The following GPATCH2L variants were observed in gnomAD, a reference collection of about 807,000 sequenced individuals.
The protein encoded by GPATCH2L is G patch domain-containing protein 2-like.
In GPATCH2L, 31 loss-of-function variants were observed where a neutral mutation model predicts 57.4. The observed-to-expected ratio is 0.54, with a 90% CI of 0.41 to 0.73. The LOEUF is 0.73. Among genes scored for constraint, GPATCH2L ranks in the 30% least tolerant of loss-of-function variants. The pLI is 0.00. For synonymous variants in GPATCH2L, 199 were observed against 210.7 expected (o/e 0.94, Z 0.48); for missense variants, 481 against 599.9 (o/e 0.80, Z 2.07).
intron 5 of GPATCH2L, 23 bp from the exon 6 acceptor site, chr14:76,176,600 T>C: frequency 6.5e-7 from 1 of 1,547,966 alleles, no homozygotes; most frequent in Non-Finnish European, 8.9e-7. Context: ...TGGATGATAC[T>C]CTTGTCTGCC....
downstream of GPATCH2L, among the ~76,000 whole-genome samples, chr14:76,216,875 A>T (rs1026505891): frequency 5.9e-5 from 9 of 152,182 alleles, no homozygotes; most frequent in Admixed American, 4.6e-4. Context: ...GCCCAATTGC[A>T]TATGAAAGTT....
chr14:76,163,939 T>C (rs891858853), intron 2 of GPATCH2L, among the ~76,000 whole-genome samples: 2 of 152,306 alleles, frequency 1.3e-5, no homozygotes, highest in East Asian at 1.9e-4. Flanking sequence ...CCTGGCCAGA[T>C]CATTCTCTTC....
chr14:76,211,223 G>A lies in GPATCH2L; in HGVS notation c.*9372G>A. 6.6e-6 allele frequency: 1 copy of A among 152,282 alleles called. No individual in the cohort carries two copies. The highest frequency in any genetic ancestry group is 1.9e-4 in the East Asian group (1 of 5,198). 9.4% of individuals were successfully genotyped at this position (152,282 alleles called of 1,614,324 possible). On this transcript the variant is annotated 3_prime_UTR_variant, in exon 10 of 10. Coordinates refer to ENST00000261530, the MANE Select transcript of GPATCH2L (RefSeq NM_017926.4). The stretch of plus-strand genomic sequence containing the variant: ...AAGAGAGAAAGGCAAGAGCCAGGAA[G>A]TGAAGGGTCCTGTGTATACTGGCTT...
At chr14:76,168,588 C>A (rs1347671368) in intron 3 of GPATCH2L, among the ~76,000 whole-genome samples, 1 of 152,178 alleles carries the variant, frequency 6.6e-6, no homozygotes, top group African/African-American at 2.4e-5. Flanking sequence ...TGATAGGCGG[C>A]ATGGACTTCC....
chr14:76,171,969 A>T lies in GPATCH2L; in HGVS notation c.854A>T (p.Asp285Val). ...GTAGAAAGAATGGATTCTGGATTGGATAAATTTTCAGATTCCACATTCCTT... is the reference window on the plus strand; with the variant it reads ...GTAGAAAGAATGGATTCTGGATTGGTTAAATTTTCAGATTCCACATTCCTT... ...SEVERMDSGL[D>V]KFSDSTFLLP... The change falls in exon 4 of 10, where the codon GAT (aspartate) becomes GTT (valine). Residue 285 changes from aspartate to valine, a missense_variant. Asp to Val is a radical substitution (Grantham distance 152). Around this residue, in one of 3 missense-constraint regions of GPATCH2L, gnomAD observed 248 missense variants for 270.5 expected, o/e 0.92. Transcript: ENST00000261530. 1.2e-6 allele frequency: 2 copies of T among 1,612,902 alleles called. No individual in the cohort carries two copies. Among genetic ancestry groups the T allele is most frequent in the Non-Finnish European group, 1.7e-6 (2 of 1,179,254 alleles).
intron 7 of GPATCH2L, chr14:76,179,706 A>T (rs146964066): frequency 1.1e-4 from 17 of 152,216 alleles, no homozygotes; most frequent in Non-Finnish European, 1.9e-4. Flanking sequence ...ATTAAGTTCT[A>T]AACTTTTTAG....
At chr14:76,226,045 T>C (rs1185934556) in intron 1 of GPATCH2L, among the ~76,000 whole-genome samples, 1 of 152,184 alleles carries the variant, frequency 6.6e-6, no homozygotes, top group Non-Finnish European at 1.5e-5. Flanking sequence ...AGAAAGTTAT[T>C]TGACAATGTT....
chr14:76,173,226 G>T (rs11159180), intron 4 of GPATCH2L, among the ~76,000 whole-genome samples: 85,569 of 151,534 alleles, frequency 0.56, 26,528 homozygotes, highest in South Asian at 0.78. Context: ...CCTTATGTTT[G>T]TGTGGTGTTT....
chr14:76,233,222 A>G (rs2040582573), intron 2 of GPATCH2L, among the ~76,000 whole-genome samples: 2 of 152,230 alleles, frequency 1.3e-5, no homozygotes, highest in African/African-American at 4.8e-5. Flanking sequence ...TTGTTGATAC[A>G]TATTGCCAAA....
chr14:76,153,188 C>A (rs1224566979), intron 1 of GPATCH2L, among the ~76,000 whole-genome samples: 1 of 152,202 alleles, frequency 6.6e-6, no homozygotes, highest in Non-Finnish European at 1.5e-5. Flanking sequence ...TTAGAAAGCC[C>A]TTTGCAAAGT....
intron 4 of GPATCH2L, among the ~76,000 whole-genome samples, 192 bp from the exon 5 acceptor site, chr14:76,173,354 A>G (rs906641284): frequency 1.6e-4 from 25 of 152,036 alleles, no homozygotes; most frequent in African/African-American, 7.2e-5. Context: ...TCAAAGGTAA[A>G]TGGCATGCCT....
intron 8 of GPATCH2L, among the ~76,000 whole-genome samples, chr14:76,192,243 A>G (rs2039999901): frequency 6.6e-6 from 1 of 151,730 alleles, no homozygotes; most frequent in Admixed American, 6.6e-5. Context: ...ACATAGAAAA[A>G]TAGATTTTCC....
chr14:76,169,890 C>CA lies in GPATCH2L; in HGVS notation c.728-1949dup, dbSNP rs1427052379. Among the ~76,000 whole-genome samples the CA allele has an allele frequency of 2.0e-5, 3 of 152,152 alleles. No homozygotes were observed. In the East Asian group the frequency reaches 5.8e-4, roughly 29 times the overall value. Reference sequence around the variant, plus strand: ...GAGATGCTTTTAGAGTAGCGGTTCTCAAAACGTGGTCCCCAGGCCAGCTTG... The same window carrying CA: ...GAGATGCTTTTAGAGTAGCGGTTCTCAAAAACGTGGTCCCCAGGCCAGCTTG... On this transcript the variant is annotated intron_variant, in intron 3 of 9. Transcript: ENST00000261530.
chr14:76,217,517 T>C (rs187612568), downstream of GPATCH2L, among the ~76,000 whole-genome samples: 1 of 151,988 alleles, frequency 6.6e-6, no homozygotes, highest in Non-Finnish European at 1.5e-5. Flanking sequence ...ATGGAAAGTT[T>C]TGGGACCAAT....
intron 8 of GPATCH2L, among the ~76,000 whole-genome samples, chr14:76,187,753 G>T (rs931935785): frequency 6.6e-6 from 1 of 152,082 alleles, no homozygotes; most frequent in African/African-American, 2.4e-5. Flanking sequence ...ATTTAAAAAT[G>T]TACAGTTAGA....
chr14:76,218,310 AAAG>A (rs2040498081), downstream of GPATCH2L, among the ~76,000 whole-genome samples: 1 of 152,170 alleles, frequency 6.6e-6, no homozygotes, highest in Non-Finnish European at 1.5e-5. Context: ...CTTAGAAACT[AAAG>A]AAGACTAACC....
Position 76,203,796 on chromosome 14 carries a change from T to C in GPATCH2L, c.*1945T>C, listed in dbSNP as rs565273021. 1 of 152,376 alleles carries C rather than the reference T, an allele frequency of 6.6e-6. No homozygotes were observed. Among genetic ancestry groups the C allele is most frequent in the African/African-American group, 2.4e-5 (1 of 41,588 alleles). 9.4% of individuals were successfully genotyped at this position (152,376 alleles called of 1,614,324 possible). ...GTTGTCATGTGCATTGTCACCATAG[T>C]GACCCGTGGCATATATTTTTAACAT... On this transcript the variant is annotated 3_prime_UTR_variant, in exon 10 of 10. Coordinates refer to ENST00000261530, the MANE Select transcript of GPATCH2L (RefSeq NM_017926.4).
In GPATCH2L at chr14:76,211,103, A is replaced by G. The variant is rs1309528490; in HGVS notation, c.*9252A>G. 6.6e-6 allele frequency: 1 copy of G among 152,254 alleles called. No individual in the cohort carries two copies. The highest frequency in any genetic ancestry group is 1.5e-5 in the Non-Finnish European group (1 of 68,066). The allele number at this position is 152,254 out of a possible 1,614,324, so 9.4% of individuals were successfully genotyped here. A position where few individuals can be genotyped will look rare whatever the true frequency, so the allele number is the denominator to read the frequency against. ...CCTGAAGGATAAGCAGGAGTTAAGAAGAGTGGATGAAGCCCTCCAAGGGTA... is the reference window on the plus strand; with the variant it reads ...CCTGAAGGATAAGCAGGAGTTAAGAGGAGTGGATGAAGCCCTCCAAGGGTA... On this transcript the variant is annotated 3_prime_UTR_variant, in exon 10 of 10. Coordinates refer to ENST00000261530, the MANE Select transcript of GPATCH2L (RefSeq NM_017926.4).
chr14:76,199,892 C>A (rs1043580260), intron 9 of GPATCH2L, among the ~76,000 whole-genome samples: 2 of 152,176 alleles, frequency 1.3e-5, no homozygotes, highest in African/African-American at 4.8e-5. Context: ...GCATTATTCA[C>A]AGTCGTCAAG....
Sources: allele counts gnomAD v4.1 joint callset (sites outside exome capture counted in the v4.1 genomes callset), GRCh38; gene constraint gnomAD v4.1.1; regional missense constraint gnomAD v4.1.1; transcripts MANE v1.5; gene names NCBI Gene and HGNC (gene_info 2026-07-23, HGNC 2026-07-21).